Variants in MTMR3 observed in about 807,000 individuals in gnomAD.
The protein encoded by MTMR3 is phosphatidylinositol-3,5-bisphosphate 3-phosphatase MTMR3.
Under a neutral mutation model 132.4 loss-of-function variants are expected in MTMR3, and 32 were observed. The observed-to-expected ratio is 0.24, with a 90% confidence interval of 0.18 to 0.32. The LOEUF is 0.32. Ranked by LOEUF, MTMR3 falls within the 10% of genes least tolerant of loss-of-function variation. MTMR3 has a pLI of 1.00. For synonymous variants in MTMR3, 556 were observed against 550.3 expected (o/e 1.01, Z -0.14); for missense variants, 1,216 against 1,489.6 (o/e 0.82, Z 3.02).
At chr22:29,952,733 T>G (rs5752985) in intron 1 of MTMR3, among the ~76,000 whole-genome samples, 1 of 152,206 alleles carries the variant, frequency 6.6e-6, no homozygotes, top group East Asian at 1.9e-4. Context: ...CTCGTCTGTT[T>G]TCATTTATAG....
chr22:30,022,740 T>C (rs1312382680), intron 19 of MTMR3, 43 bp downstream of exon 19: 1 of 1,549,124 alleles, frequency 6.5e-7, no homozygotes, highest in Non-Finnish European at 8.8e-7. Context: ...TGTGTGGAGG[T>C]TGAGGGTCGG....
chr22:29,974,896 A>C (rs1352900522), intron 3 of MTMR3, among the ~76,000 whole-genome samples: 1 of 152,234 alleles, frequency 6.6e-6, no homozygotes, highest in African/African-American at 2.4e-5. Context: ...ATGTTTACAT[A>C]GCATTTCCTT....
chr22:29,886,055 C>A (rs569256857), intron 1 of MTMR3, among the ~76,000 whole-genome samples: 1 of 152,324 alleles, frequency 6.6e-6, no homozygotes, highest in Admixed American at 6.5e-5. Context: ...CTGGTGTCCC[C>A]AGTATCCAGC....
chr22:29,886,844 T>C lies in MTMR3; in HGVS notation c.-138+3485T>C, dbSNP rs538003428. Among the ~76,000 whole-genome samples the C allele has an allele frequency of 6.6e-5, 10 of 152,324 alleles. No individual in the cohort carries two copies. The East Asian group carries it at 1.9e-3, about 29-fold the overall frequency. ...GTTTTACATTGGGAACTTCATAATT[T>C]AGTGTGAAGTCATGAGACTTGAGAA... On this transcript the variant is annotated intron_variant, in intron 1 of 19. Coordinates refer to ENST00000401950, the MANE Select transcript of MTMR3 (RefSeq NM_021090.4).
In MTMR3 at chr22:30,026,992, G is replaced by A. The variant is rs184856026; in HGVS notation, c.*1191G>A. The A allele has an allele frequency of 1.3e-5, 2 of 152,934 alleles. No homozygotes were observed. The allele number at this position is 152,934 out of a possible 1,614,324, so 9.5% of individuals were successfully genotyped here. A position where few individuals can be genotyped will look rare whatever the true frequency, so the allele number is the denominator to read the frequency against. Reference sequence around the variant, plus strand: ...TGAAGGGCCACTTGGTGACTTCGTAGGGTTCCTTAGAGAAGTGACATGGCC... The same window carrying A: ...TGAAGGGCCACTTGGTGACTTCGTAAGGTTCCTTAGAGAAGTGACATGGCC... On this transcript the variant is annotated 3_prime_UTR_variant, in exon 20 of 20. Coordinates refer to ENST00000401950, the MANE Select transcript of MTMR3 (RefSeq NM_021090.4).
intron 2 of MTMR3, among the ~76,000 whole-genome samples, chr22:29,966,421 T>TCTTAA (rs2066415946): frequency 6.6e-6 from 1 of 152,230 alleles, no homozygotes; most frequent in Non-Finnish European, 1.5e-5. Context: ...ATTCTGTAGG[T>TCTTAA]TTCCCTTCTA....
intron 5 of MTMR3, chr22:29,987,531 C>T (rs1431666087): frequency 1.3e-5 from 2 of 152,186 alleles, no homozygotes; most frequent in Non-Finnish European, 2.9e-5. Flanking sequence ...AAAGTATTCA[C>T]TATTATTTTA....
chr22:29,923,102 C>T (rs1042367049), intron 1 of MTMR3, among the ~76,000 whole-genome samples: 7 of 148,648 alleles, frequency 4.7e-5, no homozygotes, highest in African/African-American at 1.5e-4. Flanking sequence ...GGTGCAGTGG[C>T]GCCATCTCGG....
intron 1 of MTMR3, among the ~76,000 whole-genome samples, chr22:29,913,180 C>G (rs1000418241): frequency 4.6e-5 from 7 of 152,076 alleles, no homozygotes; most frequent in African/African-American, 1.7e-4. Context: ...CCCAGGACAT[C>G]AAGACAGCAG....
chr22:29,930,095 C>T (rs977079267), intron 1 of MTMR3, among the ~76,000 whole-genome samples: 1 of 152,038 alleles, frequency 6.6e-6, no homozygotes, highest in African/African-American at 2.4e-5. Context: ...TTTTTTAAAG[C>T]CTTAGGAGTG....
At chr22:29,964,160 A>G (rs888842898) in intron 2 of MTMR3, among the ~76,000 whole-genome samples, 1 of 152,172 alleles carries the variant, frequency 6.6e-6, no homozygotes, top group East Asian at 1.9e-4. Flanking sequence ...TCGTATATCT[A>G]ATTTTAAGAA....
intron 1 of MTMR3, among the ~76,000 whole-genome samples, chr22:29,908,356 C>A (rs1205537203): frequency 5.9e-5 from 9 of 152,178 alleles, no homozygotes; most frequent in Non-Finnish European, 1.0e-4. Context: ...CTAGAACAGA[C>A]CAGAAGAAAC....
chr22:30,006,931 G>A, intron 9 of MTMR3, 183 bp from the exon 10 acceptor site: 1 of 608,352 alleles, frequency 1.6e-6, no homozygotes, highest in Non-Finnish European at 2.9e-6. Context: ...AAGACACACA[G>A]GTTTTGTTGT....
intron 1 of MTMR3, among the ~76,000 whole-genome samples, chr22:29,921,019 A>G (rs942558895): frequency 6.6e-6 from 1 of 151,976 alleles, no homozygotes; most frequent in African/African-American, 2.4e-5. Flanking sequence ...ATGCTACAGT[A>G]TCTTGATGGA....
At chr22:30,012,331 A>T (rs771087834) in intron 12 of MTMR3, 37 bp from the exon 13 acceptor site, 1 of 1,591,876 alleles carries the variant, frequency 6.3e-7, no homozygotes, top group African/African-American at 1.4e-5. Flanking sequence ...AAATCATAAA[A>T]AAATCAGCAT....
chr22:29,883,216 AGGCGGCGGC>A lies in MTMR3; in HGVS notation c.-272_-264del, dbSNP rs554675648. ...CCGCCATGTTGTTGTGGTTGTGAGA[AGGCGGCGGC>A]GGCGGCGGAGTAGCAGCCGGACGAG... On this transcript the variant is annotated 5_prime_UTR_variant, in exon 1 of 20. Coordinates refer to ENST00000401950, the MANE Select transcript of MTMR3 (RefSeq NM_021090.4). The A allele has an allele frequency of 1.3e-5, 2 of 152,670 alleles. No individual in the cohort carries two copies. The highest frequency in any genetic ancestry group is 2.9e-5 in the Non-Finnish European group (2 of 68,360). 9.5% of individuals were successfully genotyped at this position (152,670 alleles called of 1,614,324 possible).
intron 9 of MTMR3, chr22:30,003,499 G>A (rs1344624127): frequency 6.6e-6 from 1 of 152,152 alleles, no homozygotes; most frequent in African/African-American, 2.4e-5. Context: ...AGGCATGAGA[G>A]CCATGGGATG....
rs961547164 is a variant in MTMR3, at chr22:30,029,129, A to T, written c.*3328A>T. 2 of 152,382 alleles carry T rather than the reference A, an allele frequency of 1.3e-5. No individual in the cohort carries two copies. The highest frequency in any genetic ancestry group is 2.9e-5 in the Non-Finnish European group (2 of 68,070). 9.4% of individuals were successfully genotyped at this position (152,382 alleles called of 1,614,324 possible). A position where few individuals can be genotyped will look rare whatever the true frequency, so the allele number is the denominator to read the frequency against. On this transcript the variant is annotated 3_prime_UTR_variant, in exon 20 of 20. Transcript: ENST00000401950. ...GAATTGCCCTGAGGGAGGTGGCTGC[A>T]TATGGAGAAAGGCAGTTCTCTGTGG...
Position 29,945,929 on chromosome 22 carries a change from A to G in MTMR3, c.-137-11107A>G, listed in dbSNP as rs16988113. ...GGAGAGAAATTTTAGGAAAACTTCT[A>G]TTGAAGGACTACGACAGGGAGTGTT... is the stretch of plus-strand genomic sequence containing the variant. On this transcript the variant is annotated intron_variant, in intron 1 of 19. Transcript: ENST00000401950. Among the ~76,000 whole-genome samples, 361 of 152,284 alleles carry G rather than the reference A, an allele frequency of 2.4e-3. 13 individuals are homozygous for G. In the East Asian group the frequency reaches 0.055, roughly 23 times the overall value.
Sources: gnomAD v4.1 joint callset for allele counts (sites outside exome capture counted in the v4.1 genomes callset) on GRCh38, gnomAD v4.1.1 for gene constraint, MANE v1.5 for transcripts, NCBI Gene and HGNC (gene_info 2026-07-23, HGNC 2026-07-21) for gene names.